SPIN1: variants seen among roughly 807,000 people sequenced by gnomAD.
SPIN1 encodes the protein spindlin-1.
Under a neutral mutation model 26.0 loss-of-function variants are expected in SPIN1, and 3 were observed. The observed-to-expected ratio is 0.12, with a 90% confidence interval of 0.05 to 0.30. SPIN1 has a LOEUF of 0.30. Ranked by LOEUF, SPIN1 falls within the 10% of genes least tolerant of loss-of-function variation. The pLI is 1.00. For missense variants in SPIN1, 126 were observed against 333.4 expected (o/e 0.38, Z 4.84); for synonymous variants, 101 against 116.5 (o/e 0.87, Z 0.86).
chr9:88,409,153 G>A (rs751112979), intron 1 of SPIN1, among the ~76,000 whole-genome samples: 34 of 151,728 alleles, frequency 2.2e-4, no homozygotes, highest in Non-Finnish European at 4.0e-4. Context: ...GCGCCACCAT[G>A]CCCGGCTAAT....
At chr9:88,437,592 T>C (rs1452500941) in intron 2 of SPIN1, among the ~76,000 whole-genome samples, 1 of 152,158 alleles carries the variant, frequency 6.6e-6, no homozygotes, top group African/African-American at 2.4e-5. Context: ...TTTTCAACTC[T>C]TGGATAAATA....
chr9:88,409,195 A>C (rs886752333), intron 1 of SPIN1, among the ~76,000 whole-genome samples: 1 of 144,586 alleles, frequency 6.9e-6, no homozygotes, highest in Non-Finnish European at 1.5e-5. Flanking sequence ...GGGTTTTTTC[A>C]TGTTGATCAG....
intron 2 of SPIN1, among the ~76,000 whole-genome samples, chr9:88,446,572 A>G (rs530403054): frequency 6.6e-6 from 1 of 151,668 alleles, no homozygotes; most frequent in Admixed American, 6.6e-5. Context: ...ACACCTGGCT[A>G]ATTTTTTGTA....
intron 1 of SPIN1, among the ~76,000 whole-genome samples, chr9:88,392,175 G>A (rs1228187038): frequency 6.6e-6 from 1 of 152,096 alleles, no homozygotes; most frequent in African/African-American, 2.4e-5. Flanking sequence ...GAACTTAGCT[G>A]TAGTTATTAG....
intron 1 of SPIN1, among the ~76,000 whole-genome samples, chr9:88,398,195 G>T (rs373217668): frequency 8.7e-4 from 132 of 151,982 alleles, no homozygotes; most frequent in African/African-American, 3.1e-3. Flanking sequence ...CCAAAGTGCT[G>T]CCTCAGCCTC....
In SPIN1 at chr9:88,405,487, A is replaced by G. The variant is rs563710662; in HGVS notation, c.-159+16949A>G. On this transcript the variant is annotated intron_variant, in intron 1 of 5. Coordinates refer to ENST00000375859, the MANE Select transcript of SPIN1 (RefSeq NM_006717.3). ...CGTGATCCGCCCACCTCGCCCTCCC[A>G]AAGTGCTGGGATTACAGTCGTGAGC... is the stretch of plus-strand genomic sequence containing the variant. Among the ~76,000 whole-genome samples the G allele has an allele frequency of 2.1e-3, 309 of 150,272 alleles. 1 individual carries two copies. Among genetic ancestry groups the G allele is most frequent in the African/African-American group, 7.4e-3 (302 of 40,732 alleles).
intron 1 of SPIN1, among the ~76,000 whole-genome samples, chr9:88,397,739 A>G (rs1827097426): frequency 6.6e-6 from 1 of 151,610 alleles, no homozygotes; most frequent in South Asian, 2.1e-4. Context: ...CTCACTCCTC[A>G]GTCTCCCAAG....
At chr9:88,389,361 C>T (rs559230450) in intron 1 of SPIN1, 38 of 152,332 alleles carry the variant, frequency 2.5e-4, no homozygotes, top group African/African-American at 8.9e-4. Flanking sequence ...TCGGGTTTGG[C>T]TTTCTCGAGC....
intron 2 of SPIN1, among the ~76,000 whole-genome samples, chr9:88,438,974 G>T (rs1039000760): frequency 2.0e-5 from 3 of 152,060 alleles, no homozygotes; most frequent in Non-Finnish European, 4.4e-5. Flanking sequence ...TTGACTAGAG[G>T]AAACACTTTA....
At chr9:88,460,847 C>G (rs1010200498) in intron 3 of SPIN1, among the ~76,000 whole-genome samples, 7 of 152,236 alleles carry the variant, frequency 4.6e-5, no homozygotes, top group East Asian at 3.8e-4. Flanking sequence ...AATCTAGGCA[C>G]TCTGTGGCAC....
intron 1 of SPIN1, among the ~76,000 whole-genome samples, chr9:88,399,176 C>T (rs756690203): frequency 1.8e-4 from 28 of 151,980 alleles, no homozygotes; most frequent in Non-Finnish European, 2.9e-4. Context: ...GGACTACAGG[C>T]GTGCGCCACC....
chr9:88,440,294 T>C (rs1163498609), intron 2 of SPIN1, among the ~76,000 whole-genome samples: 3 of 150,622 alleles, frequency 2.0e-5, no homozygotes, highest in Middle Eastern at 3.4e-3. Context: ...TTCCTTAGCA[T>C]ATCAAGGATA....
chr9:88,472,781 G>A (rs576751509), intron 5 of SPIN1, among the ~76,000 whole-genome samples: 3 of 152,336 alleles, frequency 2.0e-5, no homozygotes, highest in African/African-American at 7.2e-5. Flanking sequence ...GAGCCACTGC[G>A]TCCGGCTCCA....
chr9:88,435,631 T>G (rs1564031974), intron 2 of SPIN1, among the ~76,000 whole-genome samples: 1 of 152,216 alleles, frequency 6.6e-6, no homozygotes, highest in Admixed American at 6.5e-5. Flanking sequence ...TACTTGGCCT[T>G]CCTTTTTCTG....
intron 1 of SPIN1, among the ~76,000 whole-genome samples, chr9:88,415,124 T>G (rs1800604340): frequency 6.6e-6 from 1 of 152,110 alleles, no homozygotes; most frequent in Admixed American, 6.6e-5. Context: ...CAGGATGGTC[T>G]CAATCTCCTG....
chr9:88,390,247 A>G (rs1408467378), intron 1 of SPIN1, among the ~76,000 whole-genome samples: 2 of 152,156 alleles, frequency 1.3e-5, no homozygotes, highest in Non-Finnish European at 2.9e-5. Flanking sequence ...GCGATGCCAT[A>G]TGTTGGTCAT....
At chr9:88,395,100 G>T (rs141856991) in intron 1 of SPIN1, among the ~76,000 whole-genome samples, 5 of 151,880 alleles carry the variant, frequency 3.3e-5, no homozygotes, top group African/African-American at 9.6e-5. Flanking sequence ...GAGCCACCGC[G>T]CCTGGCCTAT....
intron 1 of SPIN1, among the ~76,000 whole-genome samples, chr9:88,418,262 C>G (rs949358772): frequency 2.0e-5 from 3 of 152,168 alleles, no homozygotes; most frequent in Non-Finnish European, 4.4e-5. Context: ...AGCCATCAGA[C>G]ATCATTCATC....
intron 1 of SPIN1, among the ~76,000 whole-genome samples, chr9:88,417,384 G>A (rs1827589104): frequency 6.6e-6 from 1 of 152,094 alleles, no homozygotes. Context: ...ACTTCTCAGA[G>A]TATCCACCTG....
Sources: allele counts gnomAD v4.1 joint callset (sites outside exome capture counted in the v4.1 genomes callset), GRCh38; gene constraint gnomAD v4.1.1; transcripts MANE v1.5; gene names NCBI Gene and HGNC (gene_info 2026-07-23, HGNC 2026-07-21).